SGCZ: variants seen among roughly 807,000 people sequenced by gnomAD.
The protein encoded by SGCZ is sarcoglycan zeta, also known as zeta-sarcoglycan.
SGCZ carries 40 observed loss-of-function variants against 41.3 expected under a neutral mutation model. The ratio of observed to expected loss-of-function variants is 0.97; its 90% CI spans 0.75 to 1.26. The LOEUF (loss-of-function observed/expected upper bound fraction) is 1.26, where lower values mean the gene tolerates loss of function less well. Among genes scored for constraint, SGCZ ranks in the 50% most tolerant of loss-of-function variants. The pLI is 0.00. For synonymous variants in SGCZ, 206 were observed against 137.5 expected (o/e 1.50, Z -3.49); for missense variants, 552 against 369.8 (o/e 1.49, Z -4.04).
intron 1 of SGCZ, among the ~76,000 whole-genome samples, chr8:15,206,452 C>CTT (rs3069943): frequency 0.25 from 35,428 of 144,266 alleles, 4,665 homozygotes; most frequent in East Asian, 0.44. Context: ...TCTGGGGAGT[C>CTT]TTTTTTTTTT....
chr8:14,611,749 C>T (rs1156802062), intron 1 of SGCZ, among the ~76,000 whole-genome samples: 2 of 151,800 alleles, frequency 1.3e-5, no homozygotes, highest in African/African-American at 4.8e-5. Flanking sequence ...ACCTATGCCA[C>T]AAAAGACTGG....
chr8:14,158,698 A>G (rs1361964471), intron 5 of SGCZ, among the ~76,000 whole-genome samples: 1 of 152,210 alleles, frequency 6.6e-6, no homozygotes, highest in Non-Finnish European at 1.5e-5. Context: ...CAGGCCCTGA[A>G]TGATGGCCAG....
intron 2 of SGCZ, among the ~76,000 whole-genome samples, chr8:14,380,193 C>T (rs1804307028): frequency 1.3e-5 from 2 of 152,180 alleles, no homozygotes; most frequent in African/African-American, 4.8e-5. Flanking sequence ...TTAACATTCA[C>T]ATGTCAACTT....
chr8:15,160,403 G>A (rs1799476302), intron 1 of SGCZ, among the ~76,000 whole-genome samples: 1 of 151,986 alleles, frequency 6.6e-6, no homozygotes, highest in Non-Finnish European at 1.5e-5. Flanking sequence ...TAGACTCTTG[G>A]GTGCTTCCAC....
intron 1 of SGCZ, among the ~76,000 whole-genome samples, chr8:14,807,780 C>G (rs987737840): frequency 6.6e-6 from 1 of 152,138 alleles, no homozygotes; most frequent in Non-Finnish European, 1.5e-5. Flanking sequence ...CAAGTCAATC[C>G]TAAGCCAAAA....
chr8:14,294,963 T>C (rs1335135274), intron 3 of SGCZ, among the ~76,000 whole-genome samples: 3 of 152,150 alleles, frequency 2.0e-5, no homozygotes, highest in Non-Finnish European at 4.4e-5. Context: ...CATACATTTA[T>C]TGCAATATGG....
chr8:14,300,516 C>G (rs1413596357), intron 3 of SGCZ, among the ~76,000 whole-genome samples: 4 of 151,960 alleles, frequency 2.6e-5, no homozygotes, highest in Non-Finnish European at 5.9e-5. Context: ...CTAAAGCCAT[C>G]TACTTTTTTA....
intron 1 of SGCZ, among the ~76,000 whole-genome samples, chr8:14,567,799 C>A (rs1004369416): frequency 6.6e-6 from 1 of 152,096 alleles, no homozygotes; most frequent in African/African-American, 2.4e-5. Flanking sequence ...GAATGAACAC[C>A]TCCAGACGCA....
At chr8:14,114,855 G>T (rs376257037) in intron 5 of SGCZ, among the ~76,000 whole-genome samples, 1 of 151,808 alleles carries the variant, frequency 6.6e-6, no homozygotes, top group African/African-American at 2.4e-5. Flanking sequence ...AGGAGGAAAA[G>T]CTCTTCATTT....
rs937250220 is a variant in SGCZ, at chr8:14,943,861, T to C, written c.39+293724A>G. Among the ~76,000 whole-genome samples the C allele has an allele frequency of 9.9e-5, 15 of 152,138 alleles. 1 individual carries two copies. Among genetic ancestry groups the C allele is most frequent in the East Asian group, 7.7e-4 (4 of 5,188 alleles). On this transcript the variant is annotated intron_variant, in intron 1 of 7. Transcript: ENST00000382080. ...TTTTCTGTTCCTGTATTAGTTTCCT[T>C]AGGAAAGTGACCTCTAGCTCTAACC...
intron 2 of SGCZ, among the ~76,000 whole-genome samples, chr8:14,331,990 A>C (rs1242977665): frequency 6.6e-6 from 1 of 151,906 alleles, no homozygotes; most frequent in Non-Finnish European, 1.5e-5. Flanking sequence ...TAATATATTT[A>C]TGAATAAATA....
At chr8:14,768,328 C>G (rs1800109925) in intron 1 of SGCZ, among the ~76,000 whole-genome samples, 2 of 152,154 alleles carry the variant, frequency 1.3e-5, no homozygotes, top group Admixed American at 1.3e-4. Flanking sequence ...TTATAAAGTG[C>G]AGTACTTCTT....
intron 2 of SGCZ, among the ~76,000 whole-genome samples, chr8:14,356,193 G>C (rs1803288033): frequency 6.6e-6 from 1 of 152,146 alleles, no homozygotes; most frequent in Non-Finnish European, 1.5e-5. Flanking sequence ...AGCAGGCTAA[G>C]CTAAGCCACG....
intron 1 of SGCZ, among the ~76,000 whole-genome samples, chr8:15,009,760 G>C (rs1802761864): frequency 6.6e-6 from 1 of 152,088 alleles, no homozygotes; most frequent in Admixed American, 6.5e-5. Context: ...ACCTATGCTT[G>C]TTTAGCAAAC....
chr8:15,070,713 C>G (rs1289778554), intron 1 of SGCZ, among the ~76,000 whole-genome samples: 1 of 152,172 alleles, frequency 6.6e-6, no homozygotes, highest in Non-Finnish European at 1.5e-5. Context: ...TAACATTTTA[C>G]AAGCTTTACA....
intron 2 of SGCZ, among the ~76,000 whole-genome samples, chr8:14,507,177 T>C (rs936827654): frequency 2.8e-5 from 4 of 142,078 alleles, no homozygotes; most frequent in African/African-American, 1.1e-4. Context: ...CCATATCCAA[T>C]CTGCAAATCA....
At chr8:14,801,542 A>C (rs929936513) in intron 1 of SGCZ, among the ~76,000 whole-genome samples, 1 of 152,206 alleles carries the variant, frequency 6.6e-6, no homozygotes, top group African/African-American at 2.4e-5. Flanking sequence ...CACCTTGTTT[A>C]CTTCCAGGGA....
intron 1 of SGCZ, among the ~76,000 whole-genome samples, chr8:14,831,218 A>G (rs1204878873): frequency 1.3e-5 from 2 of 152,228 alleles, no homozygotes; most frequent in Non-Finnish European, 2.9e-5. Flanking sequence ...AGATTTTCAA[A>G]GTACATGACG....
chr8:14,395,911 T>C (rs946500114), intron 2 of SGCZ, among the ~76,000 whole-genome samples: 3 of 152,222 alleles, frequency 2.0e-5, no homozygotes, highest in Admixed American at 6.5e-5. Context: ...TAAATTCTGA[T>C]GCCTTTGTAG....
Sources: allele counts gnomAD v4.1 joint callset (sites outside exome capture counted in the v4.1 genomes callset), GRCh38; gene constraint gnomAD v4.1.1; transcripts MANE v1.5; gene names NCBI Gene and HGNC (gene_info 2026-07-23, HGNC 2026-07-21).